Variants in DNAH12 observed in about 807,000 individuals in gnomAD.
DNAH12 encodes axonemal beta dynein heavy chain 12.
In DNAH12, 285 loss-of-function variants were observed where a neutral mutation model predicts 371.5. That is an observed-to-expected ratio of 0.77 (90% CI 0.70 to 0.85). DNAH12 has a LOEUF of 0.85. Among genes scored for constraint, DNAH12 ranks in the 40% least tolerant of loss-of-function variants. The pLI is 0.00. For synonymous variants in DNAH12, 1,200 were observed against 1,213.0 expected (o/e 0.99, Z 0.22); for missense variants, 3,611 against 3,689.4 (o/e 0.98, Z 0.55).
chr3:57,440,743 T>C (rs907608940), intron 29 of DNAH12, among the ~76,000 whole-genome samples: 4 of 152,306 alleles, frequency 2.6e-5, no homozygotes, highest in African/African-American at 9.6e-5. Flanking sequence ...ATCCCAGCAC[T>C]TTGGGAGGCC....
rs1420741326 is a variant in DNAH12, at chr3:57,309,660, C to T, written c.11085+6G>A. The T allele has an allele frequency of 6.7e-6, 10 of 1,497,454 alleles. No homozygotes were observed. The East Asian group carries it at 2.5e-4, about 37-fold the overall frequency. 92.8% of individuals were successfully genotyped at this position (1,497,454 alleles called of 1,614,324 possible). ...TATAAGTAACATATTTTAAGCTGAA[C>T]ATTACCTTGTTGAGGATATCTTTGG... is the stretch of plus-strand genomic sequence containing the variant. On this transcript the variant is annotated splice_donor_region_variant and intron_variant, in intron 68 of 73. Coordinates refer to ENST00000495027, the MANE Select transcript of DNAH12 (RefSeq NM_001366028.2).
intron 65 of DNAH12, among the ~76,000 whole-genome samples, chr3:57,316,942 C>T (rs1447501263): frequency 1.3e-5 from 2 of 152,152 alleles, no homozygotes; most frequent in East Asian, 1.9e-4. Flanking sequence ...AGTGTAAGAA[C>T]GGACTAATTC....
intron 5 of DNAH12, 121 bp from the exon 6 acceptor site, chr3:57,509,333 A>G: frequency 1.1e-6 from 1 of 904,542 alleles, no homozygotes; most frequent in East Asian, 2.6e-5. Context: ...AATGTAAGAA[A>G]AAACTCCTTT....
In DNAH12 at chr3:57,405,678, GAA is replaced by G; in HGVS notation, c.6549_6550del (p.Ser2184ThrfsTer11). 3.2e-6 allele frequency: 5 copies of G among 1,551,400 alleles called. No homozygotes were observed. Among genetic ancestry groups the G allele is most frequent in the Non-Finnish European group, 4.4e-6 (5 of 1,146,858 alleles). On this transcript the variant is annotated frameshift_variant, in exon 41 of 74. Coordinates refer to ENST00000495027, the MANE Select transcript of DNAH12 (RefSeq NM_001366028.2). LOFTEE classifies it high-confidence loss of function. ...TGGTGCATTTTGTTTCCTCAAATGT[GAA>G]AAGATACTGTGAAATGATTCTTTAA...
chr3:57,532,643 C>T (rs1412535878), intron 2 of DNAH12, among the ~76,000 whole-genome samples: 1 of 152,220 alleles, frequency 6.6e-6, no homozygotes, highest in Non-Finnish European at 1.5e-5. Context: ...GATTACCAGA[C>T]AGAAACTCTT....
rs901047231 is a variant in DNAH12, at chr3:57,385,610, G to A, written c.7603-181C>T. ...GAAAGTGTGGGCCAGGGCCAAGCAC[G>A]GTGGCTCACATCTGTAATCCTAGCA... On this transcript the variant is annotated intron_variant, in intron 47 of 73. Transcript: ENST00000495027. Among the ~76,000 whole-genome samples the A allele has an allele frequency of 7.1e-4, 108 of 152,264 alleles. 1 individual carries two copies. Among genetic ancestry groups the A allele is most frequent in the Middle Eastern group, 6.8e-3 (2 of 294 alleles).
At chr3:57,366,662 CAT>C (rs1443234696) in intron 57 of DNAH12, 65 bp downstream of exon 57, 9 of 152,158 alleles carry the variant, frequency 5.9e-5, no homozygotes, top group African/African-American at 1.9e-4. Context: ...ATTCACAAAA[CAT>C]AAATATTAAT....
intron 36 of DNAH12, among the ~76,000 whole-genome samples, chr3:57,420,961 A>C (rs75238479): frequency 0.021 from 3,086 of 150,068 alleles, 90 homozygotes; most frequent in African/African-American, 0.072. Flanking sequence ...TTGTGTTACC[A>C]CCTCTTTTTT....
At chr3:57,316,071 A>T (rs1224056460) in intron 65 of DNAH12, among the ~76,000 whole-genome samples, 1 of 152,172 alleles carries the variant, frequency 6.6e-6, no homozygotes, top group East Asian at 1.9e-4. Context: ...TCTAAAAACT[A>T]GATATTCTTT....
intron 29 of DNAH12, among the ~76,000 whole-genome samples, chr3:57,440,744 T>G (rs1048523634): frequency 3.3e-5 from 5 of 152,196 alleles, no homozygotes; most frequent in Admixed American, 2.0e-4. Context: ...TCCCAGCACT[T>G]TGGGAGGCCA....
At chr3:57,484,433 C>T (rs1171391434) in intron 12 of DNAH12, among the ~76,000 whole-genome samples, 1 of 152,022 alleles carries the variant, frequency 6.6e-6, no homozygotes, top group Non-Finnish European at 1.5e-5. Flanking sequence ...TTTGATAAAG[C>T]ATACAAAAAC....
intron 45 of DNAH12, among the ~76,000 whole-genome samples, chr3:57,390,424 A>AAAAAAAATATATATATATATATATATAT: frequency 1.8e-4 from 6 of 33,432 alleles, no homozygotes; most frequent in Non-Finnish European, 3.5e-4. Context: ...AAAAAAAAAA[A>AAAAAAAATATATATATATATATATATAT]ATATATATAT....
At position 57,457,771 on chromosome 3, in the gene DNAH12, C is replaced by T; in HGVS notation, c.3286G>A (p.Glu1096Lys). 2 of 1,551,606 alleles carry T rather than the reference C, an allele frequency of 1.3e-6. No individual in the cohort carries two copies. The highest frequency in any genetic ancestry group is 1.7e-6 in the Non-Finnish European group (2 of 1,146,972). ...GAVEKWLIQV[E>K]DLMLRSVHDV... ...TGAACACTCCGGAGCATTAGGTCTT[C>T]CACTTGAATGAGCCACTTTTCCACA... The change falls in exon 22 of 74, where the codon GAA becomes AAA. Residue 1096 changes from glutamate (E) to lysine (K), a missense_variant. Glu to Lys is a moderately conservative substitution (Grantham distance 56). Around this residue, in one of 3 missense-constraint regions of DNAH12, gnomAD observed 1,314 missense variants for 1,398.7 expected, o/e 0.94. Transcript: ENST00000495027.
chr3:57,313,592 G>A (rs1451337776), intron 66 of DNAH12, among the ~76,000 whole-genome samples: 1 of 152,196 alleles, frequency 6.6e-6, no homozygotes, highest in Admixed American at 6.5e-5. Flanking sequence ...GGCACAGCTT[G>A]CAGTAAGCAG....
At chr3:57,481,075 T>C (rs1266025933) in intron 13 of DNAH12, among the ~76,000 whole-genome samples, 1 of 152,106 alleles carries the variant, frequency 6.6e-6, no homozygotes, top group East Asian at 1.9e-4. Flanking sequence ...GCCAGGGCAA[T>C]CAGGCAGGAG....
intron 29 of DNAH12, among the ~76,000 whole-genome samples, chr3:57,443,410 T>G (rs182328116): frequency 6.6e-6 from 1 of 152,244 alleles, no homozygotes; most frequent in Admixed American, 6.5e-5. Flanking sequence ...ATGCCTGGCT[T>G]GTAATTAATT....
At position 57,437,067 on chromosome 3, in the gene DNAH12, TA is replaced by T. The variant is rs762605104; in HGVS notation, c.4546-8del. The T allele has an allele frequency of 5.1e-5, 76 of 1,481,120 alleles. No individual in the cohort carries two copies. Among genetic ancestry groups the T allele is most frequent in the South Asian group, 1.6e-4 (12 of 73,492 alleles). 91.7% of individuals were successfully genotyped at this position (1,481,120 alleles called of 1,614,324 possible). On this transcript the variant is annotated splice_polypyrimidine_tract_variant and splice_region_variant and intron_variant, in intron 29 of 73. Transcript: ENST00000495027. ...GAGCACATTCCAAAAATTCCTGAAA[TA>T]AAAAAAAGTAATGCATTTCTACAAC...
At chr3:57,385,586 A>T (rs1387537854) in intron 47 of DNAH12, among the ~76,000 whole-genome samples, 157 bp from the exon 48 acceptor site, 1 of 150,814 alleles carries the variant, frequency 6.6e-6, no homozygotes, top group Non-Finnish European at 1.5e-5. Context: ...CAAAACTATG[A>T]AAGTGTGGGC....
At chr3:57,359,142 A>G (rs2062865214) in intron 58 of DNAH12, among the ~76,000 whole-genome samples, 1 of 152,228 alleles carries the variant, frequency 6.6e-6, no homozygotes, top group Non-Finnish European at 1.5e-5. Context: ...ATCTATGCAT[A>G]CTTACAGTGT....
Sources: allele counts gnomAD v4.1 joint callset (sites outside exome capture counted in the v4.1 genomes callset), GRCh38; gene constraint gnomAD v4.1.1; regional missense constraint gnomAD v4.1.1; transcripts MANE v1.5; gene names NCBI Gene and HGNC (gene_info 2026-07-23, HGNC 2026-07-21).